Variants in RPE observed in about 807,000 individuals in gnomAD.
RPE encodes ribulose-phosphate 3-epimerase.
A neutral mutation model predicts 24.6 loss-of-function variants in RPE; 16 were observed. The ratio of observed to expected loss-of-function variants is 0.65; its 90% CI spans 0.44 to 0.99. The LOEUF (loss-of-function observed/expected upper bound fraction) is 0.99, where lower values mean the gene tolerates loss of function less well. Ranked by LOEUF, RPE falls within the 50% of genes least tolerant of loss-of-function variation. The pLI, the probability that RPE is intolerant of heterozygous loss-of-function variation, is 0.00. For missense variants in RPE, 240 were observed against 294.5 expected (o/e 0.81, Z 1.35); for synonymous variants, 93 against 98.4 (o/e 0.94, Z 0.33).
At chr2:210,012,649 C>A (rs1485239151) in intron 2 of RPE, among the ~76,000 whole-genome samples, 2 of 152,156 alleles carry the variant, frequency 1.3e-5, no homozygotes, top group African/African-American at 4.8e-5. Flanking sequence ...ACTGACAGAT[C>A]AACTATGGTT....
chr2:210,018,953 C>G (rs2093817191), intron 5 of RPE, among the ~76,000 whole-genome samples: 1 of 152,154 alleles, frequency 6.6e-6, no homozygotes, highest in South Asian at 2.1e-4. Context: ...TTTTCCTCAG[C>G]CTGTGGTTCT....
At chr2:210,009,084 A>G (rs565754349) in intron 1 of RPE, among the ~76,000 whole-genome samples, 1 of 152,228 alleles carries the variant, frequency 6.6e-6, no homozygotes, top group Non-Finnish European at 1.5e-5. Flanking sequence ...AGGGGATAAT[A>G]ATAGCATCTA....
chr2:210,017,242 A>T (rs1341580166), intron 4 of RPE, among the ~76,000 whole-genome samples: 5 of 152,224 alleles, frequency 3.3e-5, no homozygotes, highest in African/African-American at 4.8e-5. Context: ...TTTACATGAC[A>T]GTCTCTGCAA....
In RPE at chr2:210,021,330, A is replaced by G. The variant is rs370797277; in HGVS notation, c.*1539A>G. 6.6e-6 allele frequency: 1 copy of G among 152,330 alleles called. No homozygotes were observed. The highest frequency in any genetic ancestry group is 2.4e-5 in the African/African-American group (1 of 41,450). The allele number at this position is 152,330 out of a possible 1,614,324, so 9.4% of individuals were successfully genotyped here. On this transcript the variant is annotated 3_prime_UTR_variant, in exon 6 of 6. Transcript: ENST00000359429. Reference sequence around the variant, plus strand: ...GCTTGCTTGGGTTTCTTCCTGCATTACAAGGTAAAAATTTGTTAATGTTTG... The same window carrying G: ...GCTTGCTTGGGTTTCTTCCTGCATTGCAAGGTAAAAATTTGTTAATGTTTG...
At position 210,019,616 on chromosome 2, in the gene RPE, A is replaced by G. The variant is rs1381380647; in HGVS notation, c.565-53A>G. 6.9e-6 allele frequency: 11 copies of G among 1,589,734 alleles called. No individual in the cohort carries two copies. The African/African-American group carries it at 1.4e-4, about 20-fold the overall frequency. On this transcript the variant is annotated intron_variant, in intron 5 of 5. Coordinates refer to ENST00000359429, the MANE Select transcript of RPE (RefSeq NM_199229.3). ...CACTCTAGTCCAGGAATTCTGTTTT[A>G]GGTTTTTCTACATTTTCCTTTGAGG...
At chr2:210,002,920 G>A (rs946612743) in intron 1 of RPE, 137 bp downstream of exon 1, 7 of 1,532,006 alleles carry the variant, frequency 4.6e-6, no homozygotes, top group Non-Finnish European at 6.2e-6. Context: ...AAGGGGTGTG[G>A]GGTAGGAGCC....
Position 210,019,876 on chromosome 2 carries a change from T to C in RPE, c.*85T>C. 1 of 1,494,474 alleles carries C rather than the reference T, an allele frequency of 6.7e-7. No individual in the cohort carries two copies. Among genetic ancestry groups the C allele is most frequent in the South Asian group, 1.3e-5 (1 of 76,144 alleles). The allele number at this position is 1,494,474 out of a possible 1,614,324, so 92.6% of individuals were successfully genotyped here. A position where few individuals can be genotyped will look rare whatever the true frequency, so the allele number is the denominator to read the frequency against. On this transcript the variant is annotated 3_prime_UTR_variant, in exon 6 of 6. Transcript: ENST00000359429. Reference sequence around the variant, plus strand: ...TATTGACTACCAAATCACAATGCAATTGAAGCCGTACTGCTTTTTTGAGCA... The same window carrying C: ...TATTGACTACCAAATCACAATGCAACTGAAGCCGTACTGCTTTTTTGAGCA...
intron 5 of RPE, 106 bp from the exon 6 acceptor site, chr2:210,019,562 AT>A (rs1484251989): frequency 2.9e-4 from 393 of 1,349,666 alleles, no homozygotes; most frequent in Middle Eastern, 1.9e-4. Flanking sequence ...CTCTCATATG[AT>A]TGAAATGTTG....
At chr2:210,018,769 A>C in intron 5 of RPE, 1 of 880,554 alleles carries the variant, frequency 1.1e-6, no homozygotes. Flanking sequence ...AAACAGCAGG[A>C]TATGAAGAAC....
Position 210,017,447 on chromosome 2 carries a change from A to T in RPE, c.478-26A>T, listed in dbSNP as rs2075116. The T allele has an allele frequency of 0.45, 661,833 of 1,483,824 alleles. 151,455 individuals are homozygous for T. The highest frequency in any genetic ancestry group is 0.57 in the Middle Eastern group (3,179 of 5,604). The allele number at this position is 1,483,824 out of a possible 1,614,324, so 91.9% of individuals were successfully genotyped here. ...CACCAACATACCCACTTTAGGAGTTACTTATTTCCTCATGTATATATCTAG... is the reference window on the plus strand; with the variant it reads ...CACCAACATACCCACTTTAGGAGTTTCTTATTTCCTCATGTATATATCTAG... On this transcript the variant is annotated intron_variant, in intron 4 of 5. Transcript: ENST00000359429.
Position 210,016,129 on chromosome 2 carries a change from A to G in RPE, c.342+17A>G. 1 of 1,614,176 alleles carries G rather than the reference A, an allele frequency of 6.2e-7. No individual in the cohort carries two copies. The highest frequency in any genetic ancestry group is 1.3e-5 in the African/African-American group (1 of 75,042). On this transcript the variant is annotated intron_variant, in intron 3 of 5. Transcript: ENST00000359429. ...GGGATGAAGGTAAGAAATCGTGATG[A>G]GAGTGTTTTGTAACATTCACTCTCA...
chr2:210,017,758 T>A, intron 5 of RPE, 199 bp downstream of exon 5: 1 of 613,130 alleles, frequency 1.6e-6, no homozygotes, highest in Non-Finnish European at 2.8e-6. Flanking sequence ...TTTTTTTTTC[T>A]TTTTCTGAGA....
chr2:210,014,290 C>T (rs906567069), intron 2 of RPE, among the ~76,000 whole-genome samples: 6 of 151,734 alleles, frequency 4.0e-5, no homozygotes, highest in South Asian at 2.1e-4. Flanking sequence ...GGGGTTTCAC[C>T]GTGTTAGCCA....
chr2:210,018,220 A>G (rs2093805803), intron 5 of RPE: 2 of 1,533,668 alleles, frequency 1.3e-6, no homozygotes, highest in Non-Finnish European at 8.7e-7. Flanking sequence ...CGGAATTAAA[A>G]GGTACTACCA....
chr2:210,008,292 G>GTTTTTT (rs35113335), intron 1 of RPE, among the ~76,000 whole-genome samples: 2 of 128,888 alleles, frequency 1.6e-5, no homozygotes, highest in African/African-American at 6.0e-5. Context: ...GTTTGTTTTT[G>GTTTTTT]TTTTTTTTTT....
At chr2:210,002,833 G>C (rs918550948) in intron 1 of RPE, 50 bp downstream of exon 1, 26 of 1,613,778 alleles carry the variant, frequency 1.6e-5, no homozygotes, top group Non-Finnish European at 2.0e-5. Flanking sequence ...GGGCGGATCA[G>C]TGCACCTTTA....
chr2:210,002,826 C>G, intron 1 of RPE, 43 bp downstream of exon 1: 2 of 1,613,950 alleles, frequency 1.2e-6, no homozygotes, highest in Non-Finnish European at 1.7e-6. Flanking sequence ...CGCGGCGGGG[C>G]GGATCAGTGC....
chr2:210,017,249 G>T (rs139538066), intron 4 of RPE, among the ~76,000 whole-genome samples: 20 of 152,288 alleles, frequency 1.3e-4, no homozygotes, highest in Non-Finnish European at 2.5e-4. Context: ...GACAGTCTCT[G>T]CAAAGACAAT....
At chr2:210,017,068 T>C (rs1309335449) in intron 4 of RPE, among the ~76,000 whole-genome samples, 1 of 152,148 alleles carries the variant, frequency 6.6e-6, no homozygotes, top group Non-Finnish European at 1.5e-5. Flanking sequence ...GGTCTTGAAC[T>C]CCTGGGCTTA....
Sources: gnomAD v4.1 joint callset for allele counts (sites outside exome capture counted in the v4.1 genomes callset) on GRCh38, gnomAD v4.1.1 for gene constraint, MANE v1.5 for transcripts, NCBI Gene and HGNC (gene_info 2026-07-23, HGNC 2026-07-21) for gene names.